TGFBR3: variants seen among roughly 807,000 people sequenced by gnomAD.
The protein encoded by TGFBR3 is transforming growth factor beta receptor 3.
Under a neutral mutation model 87.9 loss-of-function variants are expected in TGFBR3, and 46 were observed. The observed-to-expected ratio is 0.52, with a 90% CI of 0.41 to 0.67. The LOEUF is 0.67. Among genes scored for constraint, TGFBR3 ranks in the 30% least tolerant of loss-of-function variants. The pLI is 0.00. For synonymous variants in TGFBR3, 381 were observed against 391.6 expected (o/e 0.97, Z 0.32); for missense variants, 866 against 1,041.9 (o/e 0.83, Z 2.32).
upstream of TGFBR3, chr1:91,886,426 G>A (rs1157495136): frequency 3.1e-6 from 1 of 326,142 alleles, no homozygotes; most frequent in Non-Finnish European, 6.0e-6. Context: ...AAGGGGCTAG[G>A]GGCGCGGCCG....
intron 3 of TGFBR3, chr1:91,786,109 T>C (rs1308895597): frequency 2.3e-6 from 1 of 425,848 alleles, no homozygotes; most frequent in Non-Finnish European, 4.7e-6. Flanking sequence ...TTGTCATGTT[T>C]CATTAAATTC....
chr1:91,771,396 T>G (rs1385814235), intron 3 of TGFBR3, among the ~76,000 whole-genome samples: 1 of 152,024 alleles, frequency 6.6e-6, no homozygotes, highest in Non-Finnish European at 1.5e-5. Flanking sequence ...ATTTTTTAAG[T>G]GAGTAGATTT....
At chr1:91,854,623 A>G (rs549015886) in intron 2 of TGFBR3, among the ~76,000 whole-genome samples, 11 of 152,242 alleles carry the variant, frequency 7.2e-5, no homozygotes, top group Admixed American at 1.3e-4. Flanking sequence ...ACAAAAAATG[A>G]TAAGTGTGTG....
chr1:91,770,827 T>C (rs1454930558), intron 3 of TGFBR3: 1 of 152,220 alleles, frequency 6.6e-6, no homozygotes, highest in Non-Finnish European at 1.5e-5. Flanking sequence ...CCATGTGATG[T>C]GTACACATAC....
chr1:91,818,449 C>T (rs1474549968), intron 2 of TGFBR3, among the ~76,000 whole-genome samples: 1 of 152,004 alleles, frequency 6.6e-6, no homozygotes, highest in Non-Finnish European at 1.5e-5. Flanking sequence ...TTCAGGATTC[C>T]CCGTGGACCT....
intron 2 of TGFBR3, among the ~76,000 whole-genome samples, chr1:91,810,877 A>G (rs1676007579): frequency 1.3e-5 from 2 of 151,614 alleles, no homozygotes; most frequent in East Asian, 1.9e-4. Flanking sequence ...TGTGTTCTGG[A>G]AAAAAAAATG....
intron 2 of TGFBR3, among the ~76,000 whole-genome samples, chr1:91,798,892 C>CA (rs1675491977): frequency 6.6e-6 from 1 of 152,206 alleles, no homozygotes; most frequent in Non-Finnish European, 1.5e-5. Flanking sequence ...GCCCTGACAT[C>CA]ACTGCAGCCT....
chr1:91,729,692 C>G (rs1672693123), intron 6 of TGFBR3, 113 bp downstream of exon 6: 1 of 1,271,782 alleles, frequency 7.9e-7, no homozygotes, highest in Non-Finnish European at 1.1e-6. Context: ...CAATGGCTCC[C>G]TTCCCTCCTG....
chr1:91,840,011 T>TA (rs2101112058), intron 2 of TGFBR3, among the ~76,000 whole-genome samples: 1 of 152,102 alleles, frequency 6.6e-6, no homozygotes, highest in Admixed American at 6.5e-5. Context: ...AAAAAGTTTT[T>TA]AAAAATCACT....
chr1:91,797,209 G>A (rs1208485059), intron 3 of TGFBR3, 78 bp downstream of exon 3: 1 of 1,492,704 alleles, frequency 6.7e-7, no homozygotes, highest in Non-Finnish European at 9.3e-7. Context: ...CCCCAGAAGA[G>A]AAGAAAAGGA....
At chr1:91,877,284 A>C (rs1329929646) in intron 1 of TGFBR3, among the ~76,000 whole-genome samples, 1 of 152,098 alleles carries the variant, frequency 6.6e-6, no homozygotes, top group Admixed American at 6.5e-5. Context: ...TAGATGGGAT[A>C]CTTTTTGGAA....
At chr1:91,830,306 G>A (rs1034831067) in intron 2 of TGFBR3, among the ~76,000 whole-genome samples, 3 of 152,172 alleles carry the variant, frequency 2.0e-5, no homozygotes, top group Admixed American at 6.5e-5. Flanking sequence ...CTTGGTGCTC[G>A]TCCCCAAGGG....
chr1:91,743,231 C>T (rs992948811), intron 4 of TGFBR3, among the ~76,000 whole-genome samples: 1 of 152,140 alleles, frequency 6.6e-6, no homozygotes, highest in Non-Finnish European at 1.5e-5. Flanking sequence ...CTCTGGGCCT[C>T]CCCAACGTTG....
intron 3 of TGFBR3, among the ~76,000 whole-genome samples, chr1:91,774,993 T>C (rs1045310154): frequency 2.6e-5 from 4 of 152,062 alleles, no homozygotes; most frequent in African/African-American, 9.7e-5. Flanking sequence ...TTACAGACAT[T>C]CTACTCCAAA....
intron 15 of TGFBR3, 135 bp from the exon 16 acceptor site, chr1:91,695,914 A>G (rs1426827754): frequency 3.9e-6 from 3 of 777,874 alleles, no homozygotes; most frequent in East Asian, 2.7e-5. Context: ...GAAGATTCCA[A>G]TAAAATACAC....
chr1:91,905,008 T>C (rs975748842), intron 1 of TGFBR3, among the ~76,000 whole-genome samples: 1 of 152,142 alleles, frequency 6.6e-6, no homozygotes, highest in Non-Finnish European at 1.5e-5. Context: ...CCAGATTCTT[T>C]ACCTGTAAAA....
chr1:91,688,760 G>A (rs1322496732), intron 16 of TGFBR3, among the ~76,000 whole-genome samples: 1 of 152,100 alleles, frequency 6.6e-6, no homozygotes, highest in African/African-American at 2.4e-5. Flanking sequence ...ATACCCAAAA[G>A]TCCACCCAAG....
chr1:91,830,425 C>A (rs953613683), intron 2 of TGFBR3, among the ~76,000 whole-genome samples: 2 of 152,112 alleles, frequency 1.3e-5, no homozygotes, highest in Non-Finnish European at 2.9e-5. Context: ...GGTATGGATG[C>A]CCCAGGCTTG....
intron 2 of TGFBR3, among the ~76,000 whole-genome samples, chr1:91,818,809 A>C (rs1033664728): frequency 6.6e-6 from 1 of 152,200 alleles, no homozygotes; most frequent in African/African-American, 2.4e-5. Context: ...TTACAAGAAC[A>C]TCATTTATCC....
Sources: allele counts gnomAD v4.1 joint callset (sites outside exome capture counted in the v4.1 genomes callset), GRCh38; gene constraint gnomAD v4.1.1; transcripts MANE v1.5; gene names NCBI Gene and HGNC (gene_info 2026-07-23, HGNC 2026-07-21).